The following LYRM4 variants were observed in gnomAD, a reference collection of about 807,000 sequenced individuals.
LYRM4 encodes LYR motif containing 4, also known as LYR motif-containing protein 4.
Under a neutral mutation model 11.7 loss-of-function variants are expected in LYRM4, and 9 were observed. The ratio of observed to expected loss-of-function variants is 0.77; its 90% CI spans 0.46 to 1.34. The LOEUF (loss-of-function observed/expected upper bound fraction) is 1.34, where lower values mean the gene tolerates loss of function less well. LYRM4 is among the 40% of genes most tolerant of loss of function. The pLI, the probability that LYRM4 is intolerant of heterozygous loss-of-function variation, is 0.00. For synonymous variants in LYRM4, 42 were observed against 40.4 expected, an observed-to-expected ratio of 1.04 and a Z score of -0.15; for missense variants, 133 against 112.5, an observed-to-expected ratio of 1.18 and a Z score of -0.82.
intron 1 of LYRM4, among the ~76,000 whole-genome samples, chr6:5,245,893 T>C (rs1318442603): frequency 1.3e-5 from 2 of 151,648 alleles, no homozygotes; most frequent in Non-Finnish European, 2.9e-5. Context: ...AATGCCAGAG[T>C]GACAATACCA....
intron 2 of LYRM4, among the ~76,000 whole-genome samples, chr6:5,179,160 T>C (rs1011586202): frequency 5.3e-5 from 8 of 152,026 alleles, no homozygotes; most frequent in African/African-American, 1.9e-4. Context: ...TTTTTTCTTA[T>C]TGTGGTAAAA....
intron 2 of LYRM4, among the ~76,000 whole-genome samples, chr6:5,195,983 T>C (rs755413253): frequency 2.9e-4 from 44 of 152,318 alleles, no homozygotes; most frequent in South Asian, 2.1e-4. Context: ...ATATTGCACT[T>C]AGTATGCCCC....
At position 5,251,356 on chromosome 6, in the gene LYRM4, T is replaced by C. The variant is rs573377001; in HGVS notation, c.86+9292A>G. Among the ~76,000 whole-genome samples, 107 of 152,330 alleles carry C rather than the reference T, an allele frequency of 7.0e-4. 2 individuals are homozygous for C. Among genetic ancestry groups the C allele is most frequent in the African/African-American group, 2.3e-3 (97 of 41,564 alleles). On this transcript the variant is annotated intron_variant, in intron 1 of 2. Transcript: ENST00000330636. ...GTATTTGAATTAGTCTGTTCTCACA[T>C]TGACTGGCTAATTTATGAAGAAAAG...
At chr6:5,197,081 G>C (rs1581483520) in intron 2 of LYRM4, among the ~76,000 whole-genome samples, 1 of 152,186 alleles carries the variant, frequency 6.6e-6, no homozygotes, top group Non-Finnish European at 1.5e-5. Context: ...AGAGAAATTA[G>C]GCTGCCAGGA....
At chr6:5,080,488 G>C in the LYRM4 span, among the ~76,000 whole-genome samples, 5 of 152,174 alleles carry the variant, frequency 3.3e-5, no homozygotes, top group African/African-American at 9.7e-5. Flanking sequence ...TCTGGAAGCT[G>C]TAAGGCCTGG....
the LYRM4 span, among the ~76,000 whole-genome samples, chr6:5,092,436 G>A: frequency 6.6e-6 from 1 of 152,094 alleles, no homozygotes; most frequent in South Asian, 2.1e-4. Context: ...AAATGGCCGG[G>A]TGTGGTGGCT....
chr6:5,180,513 T>C (rs1462887013), intron 2 of LYRM4, among the ~76,000 whole-genome samples: 1 of 152,178 alleles, frequency 6.6e-6, no homozygotes, highest in African/African-American at 2.4e-5. Flanking sequence ...GGTTGCAGCT[T>C]GGATCTCACC....
At chr6:5,099,728 T>G (rs1301350199), downstream of LYRM4, among the ~76,000 whole-genome samples, 1 of 152,020 alleles carries the variant, frequency 6.6e-6, no homozygotes, top group African/African-American at 2.4e-5. The surrounding 1 kb of genome is among the most constrained non-coding windows in gnomAD (Gnocchi z 4.3). Context: ...CAGGTGTGAG[T>G]CACCGCACCT....
intron 2 of LYRM4, among the ~76,000 whole-genome samples, chr6:5,149,355 TCCAGGTCC>T (rs774044624): frequency 6.6e-6 from 1 of 152,152 alleles, no homozygotes; most frequent in Non-Finnish European, 1.5e-5. Flanking sequence ...CATTAATTCC[TCCAGGTCC>T]CCAGGACACA....
the LYRM4 span, chr6:5,086,400 C>A: frequency 6.5e-7 from 1 of 1,536,288 alleles, no homozygotes; most frequent in East Asian, 2.4e-5. Flanking sequence ...TCTCGCTGTG[C>A]CTGCCCCCGG....
At chr6:5,129,649 C>G (rs1314366489) in intron 2 of LYRM4, among the ~76,000 whole-genome samples, 1 of 152,138 alleles carries the variant, frequency 6.6e-6, no homozygotes, top group Non-Finnish European at 1.5e-5. Context: ...TGTGAAGTCC[C>G]TTTTGCCATC....
At chr6:5,059,912 C>T in the LYRM4 span, among the ~76,000 whole-genome samples, 9 of 151,960 alleles carry the variant, frequency 5.9e-5, no homozygotes, top group African/African-American at 1.7e-4. Flanking sequence ...GTGATCCTCC[C>T]GCCTCAGTCT....
the LYRM4 span, chr6:5,054,166 G>A: frequency 1.0e-6 from 1 of 973,868 alleles, no homozygotes; most frequent in South Asian, 4.8e-5. Flanking sequence ...TCTCTGCAGG[G>A]AGGAAGAAAA....
At chr6:5,138,816 C>T in intron 2 of LYRM4, 1 of 1,102,176 alleles carries the variant, frequency 9.1e-7, no homozygotes, top group South Asian at 1.4e-5. Flanking sequence ...GGATTTCAAA[C>T]AGAAGCAAGT....
chr6:5,116,224 A>C (rs1763113007), intron 2 of LYRM4, among the ~76,000 whole-genome samples: 1 of 152,220 alleles, frequency 6.6e-6, no homozygotes, highest in Non-Finnish European at 1.5e-5. Context: ...CAGCGGTAGG[A>C]CCATTTACTG....
At chr6:5,185,264 C>G (rs931905399) in intron 2 of LYRM4, among the ~76,000 whole-genome samples, 1 of 152,212 alleles carries the variant, frequency 6.6e-6, no homozygotes, top group African/African-American at 2.4e-5. Flanking sequence ...TAAACAATGA[C>G]CAAGCATCTG....
At chr6:5,187,034 T>A in intron 2 of LYRM4, 1 of 963,852 alleles carries the variant, frequency 1.0e-6, no homozygotes, top group Non-Finnish European at 1.2e-6. Context: ...GGCCCCAAAA[T>A]AAATGACAAA....
intron 2 of LYRM4, among the ~76,000 whole-genome samples, chr6:5,170,204 T>C (rs1759344047): frequency 6.6e-6 from 1 of 152,220 alleles, no homozygotes; most frequent in African/African-American, 2.4e-5. Context: ...CAAATGTTTG[T>C]TTGAAAGCAA....
intron 2 of LYRM4, among the ~76,000 whole-genome samples, chr6:5,151,477 G>A (rs764597593): frequency 5.1e-4 from 77 of 152,204 alleles, no homozygotes; most frequent in Non-Finnish European, 9.4e-4. Context: ...GTTGCCTCCA[G>A]GAAATCCTCT....
Sources: allele counts gnomAD v4.1 joint callset (sites outside exome capture counted in the v4.1 genomes callset), GRCh38; gene constraint gnomAD v4.1.1; non-coding constraint Gnocchi (gnomAD v3.1); transcripts MANE v1.5; gene names NCBI Gene and HGNC (gene_info 2026-07-23, HGNC 2026-07-21).